The following ATP13A4 variants were observed in gnomAD, a reference collection of about 807,000 sequenced individuals.
The protein encoded by ATP13A4 is ATPase 13A4, also known as probable cation-transporting ATPase 13A4.
A neutral mutation model predicts 142.5 loss-of-function variants in ATP13A4; 114 were observed. That is an observed-to-expected ratio of 0.80 (90% CI 0.69 to 0.93). The LOEUF is 0.93. ATP13A4 is among the 40% of genes least tolerant of loss of function. ATP13A4 has a pLI of 0.00. For missense variants in ATP13A4, 1,392 were observed against 1,454.0 expected (o/e 0.96, Z 0.69); for synonymous variants, 488 against 514.8 (o/e 0.95, Z 0.70).
intron 17 of ATP13A4, among the ~76,000 whole-genome samples, chr3:193,453,646 C>A (rs1453686703): frequency 6.6e-6 from 1 of 151,956 alleles, no homozygotes; most frequent in African/African-American, 2.4e-5. Context: ...ATCATCTAAG[C>A]TGTATTTATT....
At chr3:193,559,929 G>C (rs550621758), upstream of ATP13A4, among the ~76,000 whole-genome samples, 1 of 152,132 alleles carries the variant, frequency 6.6e-6, no homozygotes, top group Non-Finnish European at 1.5e-5. Context: ...AAATCCAAAA[G>C]AGATGGTCCC....
At chr3:193,566,106 A>G (rs1029010657) in intron 2 of ATP13A4, among the ~76,000 whole-genome samples, 3 of 152,154 alleles carry the variant, frequency 2.0e-5, no homozygotes, top group African/African-American at 7.2e-5. Context: ...TACTGCCAGG[A>G]GAAGGCCAAA....
chr3:193,576,106 A>G (rs1198583549), intron 2 of ATP13A4, among the ~76,000 whole-genome samples: 1 of 152,154 alleles, frequency 6.6e-6, no homozygotes, highest in African/African-American at 2.4e-5. Flanking sequence ...CAATAGTGCC[A>G]AGATTGAGGA....
At chr3:193,481,982 G>A (rs1719323260) in intron 8 of ATP13A4, among the ~76,000 whole-genome samples, 1 of 152,080 alleles carries the variant, frequency 6.6e-6, no homozygotes, top group Non-Finnish European at 1.5e-5. Flanking sequence ...AACCCAAAGG[G>A]CTCAATAGTG....
At chr3:193,493,456 A>T (rs1260220146) in intron 3 of ATP13A4, among the ~76,000 whole-genome samples, 3 of 152,120 alleles carry the variant, frequency 2.0e-5, no homozygotes, top group Non-Finnish European at 4.4e-5. Context: ...AAAAATTCCA[A>T]AAACAAGGCA....
At chr3:193,550,600 G>A (rs764158999) in intron 1 of ATP13A4, among the ~76,000 whole-genome samples, 5 of 152,058 alleles carry the variant, frequency 3.3e-5, no homozygotes, top group Non-Finnish European at 7.4e-5. Flanking sequence ...GCCATGGCGC[G>A]CAGCCTGCAT....
intron 1 of ATP13A4, among the ~76,000 whole-genome samples, chr3:193,589,180 A>ATATATATGTGTGTGTGTGTG (rs1175256837): frequency 1.3e-5 from 2 of 151,228 alleles, no homozygotes; most frequent in African/African-American, 4.9e-5. Context: ...ATATATATAT[A>ATATATATGTGTGTGTGTGTG]TGTGTGTGTG....
rs904200330 is a variant in ATP13A4 at position 193,516,755 on chromosome 3, T to C, written c.61-1884A>G. On this transcript the variant is annotated intron_variant, in intron 1 of 29. Coordinates refer to ENST00000342695, the MANE Select transcript of ATP13A4 (RefSeq NM_032279.4). ...AATATGCCTGAGTTACTCGGTTCTA[T>C]AGCAAAAACCTCTCTGTTACTATGC... Among the ~76,000 whole-genome samples the C allele has an allele frequency of 3.3e-5, 5 of 152,334 alleles. No individual in the cohort carries two copies. The South Asian group carries it at 6.2e-4, about 19-fold the overall frequency.
At chr3:193,541,111 T>C (rs868787922) in intron 1 of ATP13A4, among the ~76,000 whole-genome samples, 98 of 151,560 alleles carry the variant, frequency 6.5e-4, no homozygotes, top group African/African-American at 2.2e-3. Flanking sequence ...TAGCCGGGCG[T>C]GGTGGCAGGC....
At position 193,401,938 on chromosome 3, in the gene ATP13A4, C is replaced by T. The variant is rs1714276101; in HGVS notation, c.*714G>A. On this transcript the variant is annotated 3_prime_UTR_variant, in exon 30 of 30. Transcript: ENST00000342695. ...CCCACACGTGATCTCCAGTCTATTC[C>T]TTCCCCCATCACAGTCAACACACAG... 6.6e-6 allele frequency: 1 copy of T among 152,286 alleles called. No individual in the cohort carries two copies. The highest frequency in any genetic ancestry group is 2.4e-5 in the African/African-American group (1 of 41,420). 9.4% of individuals were successfully genotyped at this position (152,286 alleles called of 1,614,324 possible).
At chr3:193,484,353 ATAAG>A (rs1719484226) in intron 7 of ATP13A4, among the ~76,000 whole-genome samples, 1 of 151,248 alleles carries the variant, frequency 6.6e-6, no homozygotes, top group African/African-American at 2.4e-5. Context: ...AAATAAATAA[ATAAG>A]GAGTATGGTG....
intron 25 of ATP13A4, among the ~76,000 whole-genome samples, chr3:193,415,736 A>G (rs1163270365): frequency 1.3e-5 from 2 of 152,182 alleles, no homozygotes; most frequent in African/African-American, 2.4e-5. Flanking sequence ...TAGGCTAACA[A>G]ATGCAGTTGC....
chr3:193,407,096 T>C (rs553789808), intron 29 of ATP13A4, among the ~76,000 whole-genome samples: 2 of 152,166 alleles, frequency 1.3e-5, no homozygotes, highest in African/African-American at 2.4e-5. Context: ...AGACCATAAT[T>C]CCATTCTCCC....
At chr3:193,470,733 C>T in intron 9 of ATP13A4, 126 bp downstream of exon 9, 1 of 1,374,714 alleles carries the variant, frequency 7.3e-7, no homozygotes, top group Non-Finnish European at 1.0e-6. Context: ...ACGGGAAGGT[C>T]CCATAGCAGC....
At chr3:193,534,828 AC>A (rs1471780448) in intron 1 of ATP13A4, among the ~76,000 whole-genome samples, 2 of 152,164 alleles carry the variant, frequency 1.3e-5, no homozygotes, top group African/African-American at 4.8e-5. Flanking sequence ...ATGGCCGAAA[AC>A]ATCTCAAATT....
At chr3:193,552,928 A>C (rs1278797479) in intron 1 of ATP13A4, among the ~76,000 whole-genome samples, 4 of 152,260 alleles carry the variant, frequency 2.6e-5, no homozygotes, top group African/African-American at 9.6e-5. Context: ...CAAAATATGT[A>C]GACTATATAT....
Position 193,457,009 on chromosome 3 carries a change from G to A in ATP13A4, c.1906C>T (p.Pro636Ser), listed in dbSNP as rs781061283. ...APERVASFCQ[P>S]ETVPTSFVSE... ...AAGTCAAGTTACAGACCTGTCTCAG[G>A]TTGGCAAAAGCTGGCCACCCTCTCT... is the stretch of plus-strand genomic sequence containing the variant. Residue 636 changes from proline (P) to serine (S), a missense_variant, in exon 16 of 30, where the codon CCT becomes TCT. Physicochemically the swap from Pro to Ser is moderately conservative, Grantham distance 74. Coordinates refer to ENST00000342695, the MANE Select transcript of ATP13A4 (RefSeq NM_032279.4). 1 of 1,613,230 alleles carries A rather than the reference G, an allele frequency of 6.2e-7. No individual in the cohort carries two copies. The highest frequency in any genetic ancestry group is 1.1e-5 in the South Asian group (1 of 90,792).
rs887813395 is a variant in ATP13A4 at position 193,467,416 on chromosome 3, A to G, written c.1014T>C (p.Ser338=). The G allele has an allele frequency of 2.5e-5, 40 of 1,613,760 alleles. No homozygotes were observed. The highest frequency in any genetic ancestry group is 3.3e-5 in the Non-Finnish European group (39 of 1,179,956). ...GGACATGCCGCTTGTAATCCGCTTCACTCTGTGTTTTCCAGGGCACAGAGC... is the reference window on the plus strand; with the variant it reads ...GGACATGCCGCTTGTAATCCGCTTCGCTCTGTGTTTTCCAGGGCACAGAGC... The part of the protein sequence containing the change: ...MDSSVPWKTQ[S]EADYKRHVLF... The change falls in exon 10 of 30, where the codon AGT becomes AGC. Residue 338 remains serine (S), a synonymous_variant. Coordinates refer to ENST00000342695, the MANE Select transcript of ATP13A4 (RefSeq NM_032279.4).
At chr3:193,446,991 T>C (rs1186334647) in intron 18 of ATP13A4, among the ~76,000 whole-genome samples, 1 of 152,136 alleles carries the variant, frequency 6.6e-6, no homozygotes, top group Non-Finnish European at 1.5e-5. Context: ...TATTCAAGCA[T>C]ATGTAAGAAA....
Sources: allele counts gnomAD v4.1 joint callset (sites outside exome capture counted in the v4.1 genomes callset), GRCh38; gene constraint gnomAD v4.1.1; transcripts MANE v1.5; gene names NCBI Gene and HGNC (gene_info 2026-07-23, HGNC 2026-07-21).